The following ARCN1 variants were observed in gnomAD, a reference collection of about 807,000 sequenced individuals.
The protein encoded by ARCN1 is archain 1 coat protein complex I subunit delta, also known as coatomer subunit delta.
In ARCN1, 5 loss-of-function variants were observed where a neutral mutation model predicts 60.4. That is an observed-to-expected ratio of 0.08 (90% CI 0.04 to 0.17). The LOEUF (loss-of-function observed/expected upper bound fraction) is 0.17. ARCN1 is among the 10% of genes least tolerant of loss of function. The pLI is 1.00. For synonymous variants in ARCN1, 224 were observed against 220.0 expected (o/e 1.02, Z -0.16); for missense variants, 464 against 626.5 (o/e 0.74, Z 2.77).
At chr11:118,578,818 G>GGAT (rs1938581748) in intron 1 of ARCN1, among the ~76,000 whole-genome samples, 1 of 149,796 alleles carries the variant, frequency 6.7e-6, no homozygotes, top group South Asian at 2.1e-4. Flanking sequence ...TGAGGTGTGC[G>GGAT]GATCACTTTA....
intron 9 of ARCN1, among the ~76,000 whole-genome samples, chr11:118,599,675 C>T (rs935974014): frequency 6.6e-6 from 1 of 152,186 alleles, no homozygotes; most frequent in Non-Finnish European, 1.5e-5. Context: ...GATGATCCGC[C>T]CACCTCGGCT....
intron 1 of ARCN1, among the ~76,000 whole-genome samples, chr11:118,580,462 A>C (rs1555074383): frequency 6.6e-6 from 1 of 152,208 alleles, no homozygotes; most frequent in East Asian, 1.9e-4. Flanking sequence ...GTTCAATATA[A>C]AGTCATTGAG....
chr11:118,585,292 G>A (rs1938754178), intron 5 of ARCN1, among the ~76,000 whole-genome samples: 1 of 151,908 alleles, frequency 6.6e-6, no homozygotes, highest in Admixed American at 6.6e-5. Flanking sequence ...ATGATTGGGG[G>A]CCCTCAGCCA....
chr11:118,573,287 G>A (rs1223970556), intron 1 of ARCN1, among the ~76,000 whole-genome samples: 1 of 152,190 alleles, frequency 6.6e-6, no homozygotes, highest in Non-Finnish European at 1.5e-5. Flanking sequence ...GAAGAAAAAT[G>A]TGTATGTGGC....
intron 9 of ARCN1, among the ~76,000 whole-genome samples, chr11:118,598,199 GT>G (rs1449476815): frequency 6.6e-6 from 1 of 150,810 alleles, no homozygotes; most frequent in Admixed American, 6.6e-5. Flanking sequence ...TTAGTTGCCT[GT>G]TTTTTTTTAA....
chr11:118,602,278 T>C lies in ARCN1; in HGVS notation c.*1564T>C, dbSNP rs1490204510. 1 of 154,580 alleles carries C rather than the reference T, an allele frequency of 6.5e-6. No individual in the cohort carries two copies. Among genetic ancestry groups the C allele is most frequent in the Non-Finnish European group, 1.5e-5 (1 of 68,616 alleles). The allele number at this position is 154,580 out of a possible 1,614,324, so 9.6% of individuals were successfully genotyped here. A position where few individuals can be genotyped will look rare whatever the true frequency, so the allele number is the denominator to read the frequency against. On this transcript the variant is annotated 3_prime_UTR_variant, in exon 10 of 10. Transcript: ENST00000264028. ...CCCCTAAGTCTTTTGAGTGTCATCA[T>C]GTACTGGTGGTTTCTCGGTTCCATC...
At chr11:118,598,488 A>ATTTT (rs1174732773) in intron 9 of ARCN1, among the ~76,000 whole-genome samples, 21 of 111,130 alleles carry the variant, frequency 1.9e-4, no homozygotes, top group Non-Finnish European at 3.5e-4. Flanking sequence ...GTTCCTTCGG[A>ATTTT]TTTTTTTTTT....
intron 5 of ARCN1, among the ~76,000 whole-genome samples, chr11:118,589,452 C>T (rs1938848738): frequency 1.3e-5 from 2 of 149,626 alleles, no homozygotes; most frequent in South Asian, 2.1e-4. Flanking sequence ...TTTTTTGAGA[C>T]AGAGTCTCAC....
At chr11:118,579,247 G>A (rs372725792) in intron 1 of ARCN1, among the ~76,000 whole-genome samples, 1 of 152,004 alleles carries the variant, frequency 6.6e-6, no homozygotes, top group East Asian at 1.9e-4. Context: ...GCAAATTTGG[G>A]ACACTAGTTC....
At chr11:118,576,236 A>G (rs1390055906) in intron 1 of ARCN1, among the ~76,000 whole-genome samples, 1 of 151,830 alleles carries the variant, frequency 6.6e-6, no homozygotes, top group Non-Finnish European at 1.5e-5. Context: ...GTCCAAAGAT[A>G]GTGTACTCAA....
intron 9 of ARCN1, among the ~76,000 whole-genome samples, chr11:118,598,555 C>A (rs1229360946): frequency 2.8e-5 from 4 of 142,584 alleles, no homozygotes; most frequent in African/African-American, 1.1e-4. Context: ...AGTGCAATGG[C>A]GCGCTGTCAG....
intron 8 of ARCN1, among the ~76,000 whole-genome samples, chr11:118,596,932 G>T (rs947252035): frequency 6.6e-6 from 1 of 152,160 alleles, no homozygotes; most frequent in Non-Finnish European, 1.5e-5. Flanking sequence ...ATTCTCGGCC[G>T]GGTGCGGTGG....
chr11:118,584,106 AAAG>A lies in ARCN1; in HGVS notation c.653+96_653+98del. The A allele has an allele frequency of 3.2e-6, 4 of 1,255,800 alleles. No individual in the cohort carries two copies. The East Asian group carries it at 7.2e-5, about 23-fold the overall frequency. 77.8% of individuals were successfully genotyped at this position (1,255,800 alleles called of 1,614,324 possible). On this transcript the variant is annotated intron_variant, in intron 4 of 9. Transcript: ENST00000264028. ...TCTGATTTCTTGGAAAGCTGTAAAT[AAAG>A]AAGGACTTGATGAAGTAAGATATGA... is the stretch of plus-strand genomic sequence containing the variant.
Position 118,584,634 on chromosome 11 carries a change from A to G in ARCN1, c.808A>G (p.Asn270Asp), listed in dbSNP as rs560568614. Residue 270 changes from asparagine to aspartate, a missense_variant, in exon 5 of 10, where the codon AAT becomes GAT. This residue lies in a region of ARCN1 where 359 missense variants were observed against 440.2 expected (regional missense o/e 0.82). Transcript: ENST00000264028. ...AACCAAAATGCATGCTCCACCCATT[A>G]ATATGGAAAGGTAAGTAGGAACTTT... ...EATKMHAPPI[N>D]MESVHMKIEE... 6.2e-7 allele frequency: 1 copy of G among 1,602,260 alleles called. No individual in the cohort carries two copies. The highest frequency in any genetic ancestry group is 2.2e-5 in the East Asian group (1 of 44,592).
In ARCN1 at chr11:118,583,810, C is replaced by T; in HGVS notation, c.449C>T (p.Thr150Ile). Residue 150 changes from threonine to isoleucine, a missense_variant and splice_region_variant, in exon 4 of 10, where the codon ACT becomes ATT. By Grantham distance (89) the Thr-to-Ile change is moderately conservative. This residue lies in a region of ARCN1 where 105 missense variants were observed against 186.3 expected (regional missense o/e 0.56). Transcript: ENST00000264028. Reference protein sequence around the residue: ...EEKVFRAVRETQEREAKAEMR... With the variant: ...EEKVFRAVREIQEREAKAEMR... ...ATTAATGTATGTCTTTTTCTGTAGA[C>T]TCAAGAACGTGAAGCTAAGGCTGAG... 1 of 1,613,244 alleles carries T rather than the reference C, an allele frequency of 6.2e-7. No individual in the cohort carries two copies. The highest frequency in any genetic ancestry group is 8.5e-7 in the Non-Finnish European group (1 of 1,179,718).
chr11:118,581,485 G>C lies in ARCN1; in HGVS notation c.243G>C (p.Glu81Asp). 1 of 1,614,082 alleles carries C rather than the reference G, an allele frequency of 6.2e-7. No individual in the cohort carries two copies. The highest frequency in any genetic ancestry group is 8.5e-7 in the Non-Finnish European group (1 of 1,179,998). Residue 81 changes from glutamate (E) to aspartate (D), a missense_variant, in exon 2 of 10, where the codon GAG (glutamate) becomes GAC (aspartate). Transcript: ENST00000264028. ...ACAGCAACATTTTAGAAGATTTGGA[G>C]ACCCTAAGGCTCTTCTCAAGAGTGG... ...TKNSNILEDL[E>D]TLRLFSRVIP... is the part of the protein sequence containing the mutation.
chr11:118,574,828 G>A (rs1249560702), intron 1 of ARCN1, among the ~76,000 whole-genome samples: 6 of 151,762 alleles, frequency 4.0e-5, no homozygotes, highest in African/African-American at 9.7e-5. Context: ...ATTCACAGGC[G>A]CTATCATAGT....
At position 118,581,382 on chromosome 11, in the gene ARCN1, C is replaced by T. The variant is rs1938645926; in HGVS notation, c.140C>T (p.Thr47Met). 2.5e-6 allele frequency: 4 copies of T among 1,614,170 alleles called. No homozygotes were observed. Among genetic ancestry groups the T allele is most frequent in the Non-Finnish European group, 2.5e-6 (3 of 1,180,040 alleles). Reference protein sequence around the residue: ...PKLMNTGKQHTFVETESVRYV... With the variant: ...PKLMNTGKQHMFVETESVRYV... Reference sequence around the variant, plus strand: ...CTCATGAACACTGGAAAACAACATACGTTTGTTGAAACAGAGAGTGTAAGA... The same window carrying T: ...CTCATGAACACTGGAAAACAACATATGTTTGTTGAAACAGAGAGTGTAAGA... Residue 47 changes from threonine to methionine, a missense_variant, in exon 2 of 10, where the codon ACG becomes ATG. Around this residue, in one of 2 missense-constraint regions of ARCN1, gnomAD observed 105 missense variants for 186.3 expected, o/e 0.56. Coordinates refer to ENST00000264028, the MANE Select transcript of ARCN1 (RefSeq NM_001655.5).
intron 6 of ARCN1, among the ~76,000 whole-genome samples, chr11:118,592,328 T>C (rs1938930056): frequency 6.6e-6 from 1 of 152,230 alleles, no homozygotes; most frequent in African/African-American, 2.4e-5. Flanking sequence ...AGAACTGCTG[T>C]CTGACCCAGG....
Sources: gnomAD v4.1 joint callset for allele counts (sites outside exome capture counted in the v4.1 genomes callset) on GRCh38, gnomAD v4.1.1 for gene constraint, gnomAD v4.1.1 regional missense constraint, MANE v1.5 for transcripts, NCBI Gene and HGNC (gene_info 2026-07-23, HGNC 2026-07-21) for gene names.